The following DOP1A variants were observed in gnomAD, a reference collection of about 807,000 sequenced individuals.
The protein encoded by DOP1A is protein DOP1A.
DOP1A carries 90 observed loss-of-function variants against 267.6 expected under a neutral mutation model. The ratio of observed to expected loss-of-function variants is 0.34; its 90% CI spans 0.28 to 0.40. The LOEUF is 0.40. Ranked by LOEUF, DOP1A falls within the 10% of genes least tolerant of loss-of-function variation. The pLI is 1.00. For synonymous variants in DOP1A, 932 were observed against 999.1 expected, an observed-to-expected ratio of 0.93 and a Z score of 1.27; for missense variants, 2,437 against 2,900.4, an observed-to-expected ratio of 0.84 and a Z score of 3.67.
chr6:83,140,572 C>G (rs1001562439), intron 23 of DOP1A, among the ~76,000 whole-genome samples, 169 bp downstream of exon 23: 10 of 152,124 alleles, frequency 6.6e-5, no homozygotes, highest in African/African-American at 1.9e-4. Flanking sequence ...AGAATTTGCC[C>G]ATTTTTAAGT....
intron 4 of DOP1A, among the ~76,000 whole-genome samples, chr6:83,103,615 A>G (rs545473664): frequency 2.1e-4 from 32 of 152,174 alleles, no homozygotes; most frequent in Admixed American, 1.9e-3. Context: ...TGGCTTCTCC[A>G]TCTCTTAACC....
At position 83,167,283 on chromosome 6, in the gene DOP1A, T is replaced by C. The variant is rs1456185399; in HGVS notation, c.7093-579T>C. 3 of 984,994 alleles carry C rather than the reference T, an allele frequency of 3.0e-6. No homozygotes were observed. In the African/African-American group the frequency reaches 5.2e-5, roughly 17 times the overall value. 61.0% of individuals were successfully genotyped at this position (984,994 alleles called of 1,614,324 possible). On this transcript the variant is annotated intron_variant, in intron 38 of 38. Transcript: ENST00000349129. The stretch of plus-strand genomic sequence containing the variant: ...GTCCAGCTTTCCTCCCTATGTTGTT[T>C]AGCACAACCCAGAAGGAGACAGCAG...
rs1554249675 is a variant in DOP1A at position 83,152,166 on chromosome 6, AATATATATATACATATAC to A, written c.6050-104_6050-87del. The A allele has an allele frequency of 3.3e-6, 3 of 911,220 alleles. No individual in the cohort carries two copies. The African/African-American group carries it at 5.1e-5, about 16-fold the overall frequency. The allele number at this position is 911,220 out of a possible 1,614,324, so 56.4% of individuals were successfully genotyped here. On this transcript the variant is annotated intron_variant, in intron 29 of 38. Coordinates refer to ENST00000349129, the MANE Select transcript of DOP1A (RefSeq NM_015018.4). ...CAAGTAACTTTTTTTCAGTGGGAAA[AATATATATATACATATAC>A]ATATATATATACATATATAAAAATA...
At chr6:83,149,593 A>G in intron 27 of DOP1A, among the ~76,000 whole-genome samples, 1 of 152,110 alleles carries the variant, frequency 6.6e-6, no homozygotes, top group East Asian at 1.9e-4. Context: ...TTTTATTTTA[A>G]AGAATGTGGT....
intron 1 of DOP1A, among the ~76,000 whole-genome samples, chr6:83,091,421 TATATCAAAC>T (rs1471189921): frequency 1.3e-5 from 2 of 149,132 alleles, no homozygotes; most frequent in Non-Finnish European, 3.0e-5. Flanking sequence ...GATATAAACA[TATATCAAAC>T]AAACAAGCTA....
intron 17 of DOP1A, among the ~76,000 whole-genome samples, chr6:83,131,047 A>G (rs1006718522): frequency 3.3e-5 from 5 of 152,092 alleles, no homozygotes; most frequent in Admixed American, 3.3e-4. Context: ...TTCATACAGT[A>G]AAACCTCAGC....
chr6:83,138,145 A>G lies in DOP1A; in HGVS notation c.4103A>G (p.His1368Arg). Residue 1368 changes from histidine (H) to arginine (R), a missense_variant, in exon 21 of 39, where the codon CAT becomes CGT. Physicochemically the swap from His to Arg is conservative, Grantham distance 29. Coordinates refer to ENST00000349129, the MANE Select transcript of DOP1A (RefSeq NM_015018.4). ...PNFNIHPLYQHVLLYLQLYDS... is the reference protein window; with the variant it reads ...PNFNIHPLYQRVLLYLQLYDS... The stretch of plus-strand genomic sequence containing the variant: ...TTCAACATTCATCCTCTCTATCAAC[A>G]TGTGCTCCTGTATCTCCAGTTGTAT... 1.9e-6 allele frequency: 3 copies of G among 1,613,950 alleles called. No homozygotes were observed. Among genetic ancestry groups the G allele is most frequent in the Non-Finnish European group, 2.5e-6 (3 of 1,179,902 alleles).
intron 36 of DOP1A, among the ~76,000 whole-genome samples, chr6:83,159,061 A>G (rs1783553640): frequency 6.6e-6 from 1 of 152,150 alleles, no homozygotes; most frequent in Non-Finnish European, 1.5e-5. Context: ...ACTAAATACA[A>G]TTTTTTACTT....
At position 83,125,727 on chromosome 6, in the gene DOP1A, CA is replaced by C; in HGVS notation, c.1718del (p.Lys573ArgfsTer48). On this transcript the variant is annotated frameshift_variant, in exon 15 of 39. Transcript: ENST00000349129. LOFTEE classifies it high-confidence loss of function. ...QNNSVKEWED[K>X]KVSSVSHENP... The stretch of plus-strand genomic sequence containing the variant: ...ACAATTCAGTCAAAGAGTGGGAAGA[CA>C]AAAAGGTAATTTTAACTATTATTTT... 6.2e-7 allele frequency: 1 copy of C among 1,605,174 alleles called. No homozygotes were observed. The highest frequency in any genetic ancestry group is 8.5e-7 in the Non-Finnish European group (1 of 1,173,574).
chr6:83,079,414 C>T (rs1174449994), intron 1 of DOP1A, among the ~76,000 whole-genome samples: 1 of 151,938 alleles, frequency 6.6e-6, no homozygotes, highest in Admixed American at 6.5e-5. Context: ...AAATTTGTTT[C>T]TACTGGCTGT....
intron 4 of DOP1A, among the ~76,000 whole-genome samples, chr6:83,103,519 C>A (rs1371831367): frequency 6.6e-6 from 1 of 152,182 alleles, no homozygotes; most frequent in Non-Finnish European, 1.5e-5. Flanking sequence ...ATGCCTTTCA[C>A]CAATTTTGGA....
chr6:83,140,026 C>T lies in DOP1A; in HGVS notation c.5147C>T (p.Pro1716Leu). The change falls in exon 22 of 39, where the codon CCA becomes CTA. Residue 1716 changes from proline to leucine, a missense_variant. Pro to Leu is a moderately conservative substitution (Grantham distance 98). Transcript: ENST00000349129. ...CCTCTGTGGATGGCATCAATTATTC[C>T]ACCAGATATGATTCTTACTCTTTTG... ...SRPLWMASIIPPDMILTLLEG... is the reference protein window; with the variant it reads ...SRPLWMASIILPDMILTLLEG... The T allele has an allele frequency of 6.2e-7, 1 of 1,613,098 alleles. No homozygotes were observed. Among genetic ancestry groups the T allele is most frequent in the South Asian group, 1.1e-5 (1 of 90,970 alleles).
chr6:83,105,356 CTTTTTTTT>C (rs70987733), intron 4 of DOP1A, among the ~76,000 whole-genome samples: 3 of 65,890 alleles, frequency 4.6e-5, no homozygotes, highest in Non-Finnish European at 5.6e-5. Flanking sequence ...GGATGTCTTT[CTTTTTTTT>C]TTTTTTTTTT....
At chr6:83,093,386 A>G (rs903621607) in intron 1 of DOP1A, among the ~76,000 whole-genome samples, 3 of 152,224 alleles carry the variant, frequency 2.0e-5, no homozygotes, top group Admixed American at 2.0e-4. Context: ...ACCTTAACCA[A>G]GGAAATTTTG....
chr6:83,080,464 A>G (rs1489765624), intron 1 of DOP1A, among the ~76,000 whole-genome samples: 3 of 152,190 alleles, frequency 2.0e-5, no homozygotes, highest in Non-Finnish European at 2.9e-5. Context: ...CAGGAATTAT[A>G]TCTCCCTTTG....
At chr6:83,110,363 C>A in intron 6 of DOP1A, 49 bp downstream of exon 6, 2 of 1,562,592 alleles carry the variant, frequency 1.3e-6, no homozygotes, top group African/African-American at 1.4e-5. Context: ...TCTTTAGAGT[C>A]AGGCACTATT....
intron 15 of DOP1A, among the ~76,000 whole-genome samples, chr6:83,127,242 C>A (rs970780229): frequency 6.6e-6 from 1 of 152,128 alleles, no homozygotes; most frequent in Non-Finnish European, 1.5e-5. Flanking sequence ...GGTGGCCTTT[C>A]ATTTGTTTTA....
chr6:83,086,062 T>C (rs148198854), intron 1 of DOP1A, among the ~76,000 whole-genome samples: 4 of 152,224 alleles, frequency 2.6e-5, no homozygotes, highest in Non-Finnish European at 5.9e-5. Flanking sequence ...ATTGGAGCTA[T>C]AGGACTATAG....
At chr6:83,119,319 A>C (rs1440836784) in intron 8 of DOP1A, among the ~76,000 whole-genome samples, 7 of 152,278 alleles carry the variant, frequency 4.6e-5, no homozygotes, top group African/African-American at 1.2e-4. Context: ...CTTTGAATTC[A>C]TCAAAGGAAT....
Sources: gnomAD v4.1 joint callset for allele counts (sites outside exome capture counted in the v4.1 genomes callset) on GRCh38, gnomAD v4.1.1 for gene constraint, MANE v1.5 for transcripts, NCBI Gene and HGNC (gene_info 2026-07-23, HGNC 2026-07-21) for gene names.